Variants in RAB31 observed in about 807,000 individuals in gnomAD.
The protein encoded by RAB31 is RAB31, member RAS oncogene family.
Under a neutral mutation model 25.6 loss-of-function variants are expected in RAB31, and 21 were observed. The ratio of observed to expected loss-of-function variants is 0.82; its 90% CI spans 0.58 to 1.18. The LOEUF (loss-of-function observed/expected upper bound fraction) is 1.18. Among genes scored for constraint, RAB31 ranks in the 50% most tolerant of loss-of-function variants. RAB31 has a pLI of 0.00. For synonymous variants in RAB31, 87 were observed against 84.0 expected, an observed-to-expected ratio of 1.04 and a Z score of -0.20; for missense variants, 196 against 250.1, an observed-to-expected ratio of 0.78 and a Z score of 1.46.
chr18:9,798,992 G>A (rs1386666974), intron 3 of RAB31, among the ~76,000 whole-genome samples: 1 of 152,180 alleles, frequency 6.6e-6, no homozygotes, highest in Non-Finnish European at 1.5e-5. Context: ...GCTGAAGTGA[G>A]AGAATCGCTT....
At chr18:9,857,667 A>AGATAGATAGATAGATAGAT (rs1568198061) in intron 6 of RAB31, among the ~76,000 whole-genome samples, 4 of 125,848 alleles carry the variant, frequency 3.2e-5, no homozygotes, top group Non-Finnish European at 7.4e-5. Context: ...ATAGATAGAT[A>AGATAGATAGATAGATAGAT]GATAGATAGA....
At chr18:9,771,352 C>G (rs926526854) in intron 1 of RAB31, among the ~76,000 whole-genome samples, 1 of 152,124 alleles carries the variant, frequency 6.6e-6, no homozygotes, top group African/African-American at 2.4e-5. Context: ...ACAAGACGGC[C>G]TGTGGTATTC....
chr18:9,732,327 T>A (rs565718449), intron 1 of RAB31, among the ~76,000 whole-genome samples: 30 of 130,184 alleles, frequency 2.3e-4, no homozygotes, highest in Admixed American at 9.4e-4. Context: ...CTGCTCTGTC[T>A]CCAGAGAAAC....
At chr18:9,803,941 G>C (rs145906692) in intron 3 of RAB31, among the ~76,000 whole-genome samples, 1 of 152,208 alleles carries the variant, frequency 6.6e-6, no homozygotes, top group Admixed American at 6.5e-5. Flanking sequence ...GAATGCCAGC[G>C]ACAGGAGAGA....
At chr18:9,830,009 T>TTATTATTAA (rs1347657466) in intron 5 of RAB31, among the ~76,000 whole-genome samples, 3 of 150,682 alleles carry the variant, frequency 2.0e-5, no homozygotes, top group Admixed American at 6.6e-5. Context: ...TTAAAAAATA[T>TTATTATTAA]TATTATTATT....
At chr18:9,859,172 T>A in intron 6 of RAB31, 56 bp from the exon 7 acceptor site, 1 of 1,408,782 alleles carries the variant, frequency 7.1e-7, no homozygotes, top group Non-Finnish European at 1.0e-6. Flanking sequence ...AAAATCTGTG[T>A]GTGCAGTGTT....
intron 1 of RAB31, among the ~76,000 whole-genome samples, chr18:9,750,925 AACAG>A (rs1425918697): frequency 6.6e-6 from 1 of 152,222 alleles, no homozygotes; most frequent in Admixed American, 6.5e-5. Context: ...TCAAAACGTG[AACAG>A]ACCAAAGGGT....
chr18:9,828,965 C>T (rs960804186), intron 5 of RAB31, among the ~76,000 whole-genome samples: 4 of 152,094 alleles, frequency 2.6e-5, no homozygotes, highest in African/African-American at 7.2e-5. Flanking sequence ...TGATGTGGTG[C>T]GGGTGGCCCC....
intron 1 of RAB31, among the ~76,000 whole-genome samples, chr18:9,771,898 A>G (rs1191165220): frequency 6.6e-6 from 1 of 152,236 alleles, no homozygotes; most frequent in Non-Finnish European, 1.5e-5. Flanking sequence ...GGTGAGAGTT[A>G]AAATGTTTCA....
intron 5 of RAB31, among the ~76,000 whole-genome samples, chr18:9,818,424 T>A (rs2068610010): frequency 6.6e-6 from 1 of 152,198 alleles, no homozygotes; most frequent in African/African-American, 2.4e-5. Flanking sequence ...TTTTTTCCTC[T>A]AAATTTGCTT....
chr18:9,803,210 C>T (rs2143052569), intron 3 of RAB31, among the ~76,000 whole-genome samples: 1 of 151,678 alleles, frequency 6.6e-6, no homozygotes, highest in African/African-American at 2.4e-5. Flanking sequence ...CACAAGAGCA[C>T]TGTGCTTTCT....
intron 1 of RAB31, among the ~76,000 whole-genome samples, chr18:9,733,796 C>T (rs925375621): frequency 3.3e-5 from 5 of 151,946 alleles, no homozygotes; most frequent in African/African-American, 1.2e-4. Context: ...CCTCAAGACT[C>T]CCTCAGAGAC....
intron 1 of RAB31, chr18:9,735,479 C>G (rs1174960777): frequency 1.9e-5 from 4 of 211,732 alleles, no homozygotes; most frequent in Non-Finnish European, 4.1e-5. Flanking sequence ...CAAAGTTGAT[C>G]CTGTGGTGGT....
At chr18:9,790,606 G>C (rs960920803) in intron 2 of RAB31, among the ~76,000 whole-genome samples, 1 of 152,024 alleles carries the variant, frequency 6.6e-6, no homozygotes, top group Admixed American at 6.6e-5. Context: ...GCATTTTGTT[G>C]TTTTATCTCT....
chr18:9,793,066 T>C lies in RAB31; in HGVS notation c.201+831T>C, dbSNP rs944849433. The stretch of plus-strand genomic sequence containing the variant: ...CAGTGTCTATTGCTGGATACTTGCA[T>C]AATAACTAGAGCGTATATTATAAAA... On this transcript the variant is annotated intron_variant, in intron 3 of 6. Transcript: ENST00000578921. Among the ~76,000 whole-genome samples the C allele has an allele frequency of 1.2e-4, 19 of 152,234 alleles. No individual in the cohort carries two copies. The East Asian group carries it at 3.5e-3, about 28-fold the overall frequency.
rs538892034 is a variant in RAB31, at chr18:9,853,303, T to TA, written c.491-5917dup. Among the ~76,000 whole-genome samples the TA allele has an allele frequency of 5.0e-3, 754 of 151,626 alleles. 7 individuals carry two copies. Among genetic ancestry groups the TA allele is most frequent in the African/African-American group, 0.017 (707 of 41,318 alleles). On this transcript the variant is annotated intron_variant, in intron 6 of 6. Coordinates refer to ENST00000578921, the MANE Select transcript of RAB31 (RefSeq NM_006868.4). The stretch of plus-strand genomic sequence containing the variant: ...GTCTTATAATTTCTAAATGTTAAAA[T>TA]AAAAAAAATTAAAGGGATACATCCA...
At chr18:9,774,148 T>C (rs2068360026) in intron 1 of RAB31, among the ~76,000 whole-genome samples, 1 of 152,212 alleles carries the variant, frequency 6.6e-6, no homozygotes, top group African/African-American at 2.4e-5. Flanking sequence ...TGTCAACTGC[T>C]GCACACATGG....
At chr18:9,736,356 C>T (rs746764709) in intron 1 of RAB31, among the ~76,000 whole-genome samples, 2 of 152,200 alleles carry the variant, frequency 1.3e-5, no homozygotes, top group Non-Finnish European at 2.9e-5. Context: ...ACTTTTGCTG[C>T]TGATCTTATT....
chr18:9,780,488 C>A (rs943399661), intron 2 of RAB31, among the ~76,000 whole-genome samples: 5 of 152,100 alleles, frequency 3.3e-5, no homozygotes, highest in African/African-American at 1.2e-4. Context: ...TCTTCCAGCC[C>A]TTTTCTTGTA....
Sources: gnomAD v4.1 joint callset for allele counts (sites outside exome capture counted in the v4.1 genomes callset) on GRCh38, gnomAD v4.1.1 for gene constraint, MANE v1.5 for transcripts, NCBI Gene and HGNC (gene_info 2026-07-23, HGNC 2026-07-21) for gene names.